The following KLF8 variants were observed in gnomAD, a reference collection of about 807,000 sequenced individuals.
The protein encoded by KLF8 is KLF transcription factor 8.
A neutral mutation model predicts 18.2 loss-of-function variants in KLF8; 10 were observed. The ratio of observed to expected loss-of-function variants is 0.55; its 90% CI spans 0.34 to 0.93. The LOEUF (loss-of-function observed/expected upper bound fraction) is 0.93, where lower values mean the gene tolerates loss of function less well. KLF8 is among the 40% of genes least tolerant of loss of function. The pLI is 0.02. For synonymous variants in KLF8, 109 were observed against 97.3 expected (o/e 1.12, Z -0.71); for missense variants, 264 against 277.9 (o/e 0.95, Z 0.36).
At chrX:56,253,386 A>T (rs987543327) in intron 2 of KLF8, among the ~76,000 whole-genome samples, 20 of 111,813 alleles carry the variant, frequency 1.8e-4, no homozygotes, top group African/African-American at 6.5e-4. Flanking sequence ...TAATTTTTGT[A>T]TATGGTTAGA....
chrX:56,123,309 G>GAAAGAAAGAAAGAAAGAAAGAAAGAAAGA, the KLF8 span, among the ~76,000 whole-genome samples: 15 of 108,114 alleles, frequency 1.4e-4, no homozygotes, highest in African/African-American at 5.0e-4. Flanking sequence ...GAGAAAGAAA[G>GAAAGAAAGAAAGAAAGAAAGAAAGAAAGA]AAAGAAAAGA....
chrX:56,281,026 A>AAG (rs1393257236), intron 5 of KLF8, among the ~76,000 whole-genome samples: 1 of 112,044 alleles, frequency 8.9e-6, no homozygotes, highest in African/African-American at 3.2e-5. Flanking sequence ...CTTTTAGACT[A>AAG]ACTTTTAGTC....
chrX:56,266,797 A>T, intron 3 of KLF8: 1 of 753,633 alleles, frequency 1.3e-6, no homozygotes, highest in Non-Finnish European at 1.6e-6. Flanking sequence ...TTACTGTAAA[A>T]GAGTATCTAC....
At chrX:56,198,544 C>T in the KLF8 span, among the ~76,000 whole-genome samples, 1 of 111,641 alleles carries the variant, frequency 9.0e-6, no homozygotes, top group Non-Finnish European at 1.9e-5. Flanking sequence ...ATGTGAAGAA[C>T]CTCTTCAAAG....
chrX:56,044,596 G>T, the KLF8 span, among the ~76,000 whole-genome samples: 1 of 112,873 alleles, frequency 8.9e-6, no homozygotes, highest in East Asian at 2.8e-4. Flanking sequence ...ATCTGGCAAG[G>T]CAGCTGTGCT....
the KLF8 span, among the ~76,000 whole-genome samples, chrX:56,005,533 G>T: frequency 8.9e-6 from 1 of 111,941 alleles, no homozygotes; most frequent in Non-Finnish European, 1.9e-5. Context: ...AGCACAGGGG[G>T]TGGGGTGGGG....
the KLF8 span, among the ~76,000 whole-genome samples, chrX:56,058,307 T>TACATAC: frequency 3.2e-5 from 2 of 62,518 alleles, no homozygotes; most frequent in Non-Finnish European, 6.8e-5. Context: ...TATATATATA[T>TACATAC]ATATATATAT....
the KLF8 span, among the ~76,000 whole-genome samples, chrX:56,160,908 A>T: frequency 9.0e-6 from 1 of 111,280 alleles, no homozygotes; most frequent in African/African-American, 3.3e-5. Flanking sequence ...TAGTATTATT[A>T]TGTGTGAATT....
the KLF8 span, among the ~76,000 whole-genome samples, chrX:56,191,686 T>C: frequency 8.9e-6 from 1 of 111,833 alleles, no homozygotes; most frequent in African/African-American, 3.2e-5. Context: ...ATCAACAAAA[T>C]GAATGGCAAA....
At chrX:56,076,037 C>A in the KLF8 span, among the ~76,000 whole-genome samples, 1 of 109,172 alleles carries the variant, frequency 9.2e-6, no homozygotes, top group South Asian at 3.9e-4. Context: ...CAATTCCCAC[C>A]TATAAGTGAG....
chrX:56,005,395 G>A, the KLF8 span, among the ~76,000 whole-genome samples: 15 of 112,051 alleles, frequency 1.3e-4, no homozygotes, highest in East Asian at 3.1e-3. Flanking sequence ...AGCTGGGGTG[G>A]CATACCAGTG....
the KLF8 span, among the ~76,000 whole-genome samples, chrX:55,941,394 T>C: frequency 8.9e-6 from 1 of 111,963 alleles, no homozygotes; most frequent in African/African-American, 3.2e-5. Flanking sequence ...GACTTAAATG[T>C]TAGACCTAAA....
chrX:56,239,884 A>AT lies in KLF8; in HGVS notation c.7+6548dup, dbSNP rs1177922923. Reference sequence around the variant, plus strand: ...TTTCTGCATTTCTCTTCTATTTGCCATTTTTCTTGAAATATTGTACATCAC... The same window carrying AT: ...TTTCTGCATTTCTCTTCTATTTGCCATTTTTTCTTGAAATATTGTACATCAC... On this transcript the variant is annotated intron_variant, in intron 1 of 5. Coordinates refer to ENST00000468660, the MANE Select transcript of KLF8 (RefSeq NM_007250.5). 6.3e-5 allele frequency among the ~76,000 whole-genome samples: 7 copies of AT among 111,193 alleles called. No homozygotes were observed. The East Asian group carries it at 2.0e-3, about 31-fold the overall frequency.
At chrX:56,047,264 CG>C in the KLF8 span, among the ~76,000 whole-genome samples, 41 of 108,758 alleles carry the variant, frequency 3.8e-4, no homozygotes, top group East Asian at 4.1e-3. Flanking sequence ...TTATTTTTTT[CG>C]TTTTTTTATT....
the KLF8 span, among the ~76,000 whole-genome samples, chrX:56,171,615 A>C: frequency 9.0e-6 from 1 of 111,339 alleles, no homozygotes; most frequent in South Asian, 3.8e-4. Context: ...GAGTGAGAAC[A>C]TGCGGTGTTT....
chrX:56,137,001 A>G, the KLF8 span, among the ~76,000 whole-genome samples: 1 of 112,116 alleles, frequency 8.9e-6, no homozygotes, highest in Non-Finnish European at 1.9e-5. Flanking sequence ...AACACATGAA[A>G]AAATGCTCAT....
chrX:56,100,305 T>C, the KLF8 span, among the ~76,000 whole-genome samples: 1 of 111,668 alleles, frequency 9.0e-6, no homozygotes, highest in African/African-American at 3.3e-5. Context: ...TAAAAAATAT[T>C]CTTTTCAAAA....
the KLF8 span, among the ~76,000 whole-genome samples, chrX:56,022,452 G>A: frequency 3.8e-5 from 4 of 104,064 alleles, no homozygotes; most frequent in Non-Finnish European, 7.7e-5. Context: ...GGGAGGCTGA[G>A]GCAGGAGAAT....
chrX:56,013,176 C>T, the KLF8 span, among the ~76,000 whole-genome samples: 380 of 112,786 alleles, frequency 3.4e-3, 2 homozygotes, highest in African/African-American at 0.012. Context: ...GACATGAAGT[C>T]GAAAGAGATT....
Sources: gnomAD v4.1 joint callset for allele counts (sites outside exome capture counted in the v4.1 genomes callset) on GRCh38, gnomAD v4.1.1 for gene constraint, MANE v1.5 for transcripts, NCBI Gene and HGNC (gene_info 2026-07-23, HGNC 2026-07-21) for gene names.